Variants in NCL observed in about 807,000 individuals in gnomAD.
The protein encoded by NCL is nucleolin multifunctional protein.
A neutral mutation model predicts 77.7 loss-of-function variants in NCL; 4 were observed. The observed-to-expected ratio is 0.05, with a 90% confidence interval of 0.03 to 0.12. The LOEUF (loss-of-function observed/expected upper bound fraction) is 0.12, where lower values mean the gene tolerates loss of function less well. Among genes scored for constraint, NCL ranks in the 10% least tolerant of loss-of-function variants. The probability of loss-of-function intolerance (pLI) is 1.00; values close to 1 mark genes in which losing one functional copy is unlikely to be tolerated. For missense variants in NCL, 763 were observed against 860.9 expected (o/e 0.89, Z 1.42); for synonymous variants, 344 against 297.8 (o/e 1.16, Z -1.60).
intron 9 of NCL, 191 bp from the exon 10 acceptor site, chr2:231,457,315 G>T: frequency 3.5e-6 from 3 of 851,354 alleles, no homozygotes; most frequent in South Asian, 1.4e-5. Context: ...CCTGCTGGTT[G>T]TTCTTACATA....
intron 7 of NCL, 177 bp downstream of exon 7, chr2:231,458,824 C>G (rs1399365391): frequency 1.6e-6 from 1 of 631,272 alleles, no homozygotes; most frequent in Non-Finnish European, 2.4e-6. Context: ...CACTGACAAG[C>G]AGTGCCAAGT....
rs1276800630 is a variant in NCL, at chr2:231,460,132, A to G, written c.1040+20T>C. ...GCATTAACAGACCCACGTGTATGTA[A>G]CGTGCAGTGAAGCACTTACCTAGTC... is the stretch of plus-strand genomic sequence containing the variant. On this transcript the variant is annotated intron_variant, in intron 6 of 13. Transcript: ENST00000322723. 8.7e-6 allele frequency: 14 copies of G among 1,604,378 alleles called. No individual in the cohort carries two copies. Among genetic ancestry groups the G allele is most frequent in the Non-Finnish European group, 1.2e-5 (14 of 1,176,508 alleles).
Position 231,463,251 on chromosome 2 carries a change from A to T in NCL, c.84T>A (p.Ser28Arg). 1 of 1,612,260 alleles carries T rather than the reference A, an allele frequency of 6.2e-7. No homozygotes were observed. The highest frequency in any genetic ancestry group is 8.5e-7 in the Non-Finnish European group (1 of 1,179,692). The change falls in exon 2 of 14, where the codon AGT (serine) becomes AGA (arginine). Residue 28 changes from serine to arginine, a missense_variant. Around this residue, in one of 2 missense-constraint regions of NCL, gnomAD observed 590 missense variants for 570.5 expected, o/e 1.03. Coordinates refer to ENST00000322723, the MANE Select transcript of NCL (RefSeq NM_005381.3). The part of the protein sequence containing the change: ...APPPKEVEED[S>R]EDEEMSEDEE... ...CATCTTCTGACATTTCCTCATCTTCACTATCTTCTTCTACCTCCTTTGGAG... is the reference window on the plus strand; with the variant it reads ...CATCTTCTGACATTTCCTCATCTTCTCTATCTTCTTCTACCTCCTTTGGAG...
At chr2:231,458,143 A>C in intron 8 of NCL, 123 bp downstream of exon 8, 6 of 1,341,394 alleles carry the variant, frequency 4.5e-6, no homozygotes, top group Non-Finnish European at 6.1e-6. Flanking sequence ...ACTGAGGCAC[A>C]AACTTACAGG....
At chr2:231,457,536 A>G in intron 9 of NCL, 107 bp downstream of exon 9, 2 of 1,178,742 alleles carry the variant, frequency 1.7e-6, no homozygotes, top group Non-Finnish European at 2.4e-6. Context: ...CTTCACCTAC[A>G]TTTGAGTAAC....
At chr2:231,455,869 TTC>T in intron 12 of NCL, 139 bp downstream of exon 12, 6 of 1,364,462 alleles carry the variant, frequency 4.4e-6, no homozygotes, top group Non-Finnish European at 6.3e-6. Flanking sequence ...GTTCTGTGAA[TTC>T]TCTCTTCTTC....
At chr2:231,461,328 A>G (rs1159975966) in intron 3 of NCL, among the ~76,000 whole-genome samples, 1 of 152,142 alleles carries the variant, frequency 6.6e-6, no homozygotes, top group Non-Finnish European at 1.5e-5. Flanking sequence ...CCTACATTAT[A>G]AAAAACACTA....
chr2:231,456,725 T>G lies in NCL; in HGVS notation c.1611A>C (p.Lys537Asn). 6.2e-7 allele frequency: 1 copy of G among 1,614,190 alleles called. No homozygotes were observed. The highest frequency in any genetic ancestry group is 8.5e-7 in the Non-Finnish European group (1 of 1,180,026). ...TTTTATTACAGGAATTTAAAGCTTC[T>G]TTAGCGTCTTCGAATGAAGCAAACT... ...FIEFASFEDA[K>N]EALNSCNKRE... is the part of the protein sequence containing the mutation. Residue 537 changes from lysine to asparagine, a missense_variant, in exon 11 of 14, where the codon AAA becomes AAC. By Grantham distance (94) the Lys-to-Asn change is moderately conservative. Around this residue, in one of 2 missense-constraint regions of NCL, gnomAD observed 173 missense variants for 290.4 expected, o/e 0.60. Transcript: ENST00000322723.
At position 231,463,281 on chromosome 2, in the gene NCL, A is replaced by G; in HGVS notation, c.54T>C (p.Ala18=). The part of the protein sequence containing the change: ...GKNQGDPKKM[A]PPPKEVEEDS... Reference sequence around the variant, plus strand: ...CTTCTTCTACCTCCTTTGGAGGAGGAGCCATTTTCTTGGGGTCACCTTGAT... The same window carrying G: ...CTTCTTCTACCTCCTTTGGAGGAGGGGCCATTTTCTTGGGGTCACCTTGAT... The change falls in exon 2 of 14, where the codon GCT becomes GCC. Residue 18 remains alanine, a synonymous_variant. Coordinates refer to ENST00000322723, the MANE Select transcript of NCL (RefSeq NM_005381.3). 6.2e-7 allele frequency: 1 copy of G among 1,612,140 alleles called. No individual in the cohort carries two copies.
At chr2:231,460,586 G>T (rs531202908) in intron 4 of NCL, 22 bp from the exon 5 acceptor site, 3 of 1,614,038 alleles carry the variant, frequency 1.9e-6, no homozygotes, top group African/African-American at 2.7e-5. Context: ...GTCAAACAAT[G>T]TATCACACAT....
rs143373321 is a variant in NCL at position 231,454,007 on chromosome 2, G to C, written c.*1184C>G. 6.6e-6 allele frequency: 1 copy of C among 152,196 alleles called. No homozygotes were observed. Among genetic ancestry groups the C allele is most frequent in the Non-Finnish European group, 1.5e-5 (1 of 68,052 alleles). The allele number at this position is 152,196 out of a possible 1,614,324, so 9.4% of individuals were successfully genotyped here. On this transcript the variant is annotated 3_prime_UTR_variant, in exon 14 of 14. Coordinates refer to ENST00000322723, the MANE Select transcript of NCL (RefSeq NM_005381.3). ...CTTTTACTAAAAAGGGAGGTTGAGA[G>C]GCAAGTACTTAAGACCAGAAAGAAT... is the stretch of plus-strand genomic sequence containing the variant.
intron 7 of NCL, 177 bp downstream of exon 7, chr2:231,458,824 C>T: frequency 1.6e-6 from 1 of 631,390 alleles, no homozygotes; most frequent in East Asian, 3.4e-5. Context: ...CACTGACAAG[C>T]AGTGCCAAGT....
At chr2:231,462,507 A>C (rs779128978) in intron 2 of NCL, 1 of 502,214 alleles carries the variant, frequency 2.0e-6, no homozygotes, top group Admixed American at 2.0e-5. Context: ...CTAAATATAA[A>C]TATTCCTTAC....
intron 7 of NCL, chr2:231,458,597 C>A: frequency 1.6e-6 from 1 of 633,686 alleles, no homozygotes; most frequent in Non-Finnish European, 2.6e-6. Flanking sequence ...GTCAAACTCT[C>A]TGTTAGGTAC....
At position 231,457,731 on chromosome 2, in the gene NCL, C is replaced by T. The variant is rs1575259659; in HGVS notation, c.1359G>A (p.Glu453=). 6.2e-7 allele frequency: 1 copy of T among 1,613,054 alleles called. No individual in the cohort carries two copies. The highest frequency in any genetic ancestry group is 8.5e-7 in the Non-Finnish European group (1 of 1,179,328). Residue 453 remains glutamate, a synonymous_variant, in exon 9 of 14, where the codon GAG becomes GAA. Coordinates refer to ENST00000322723, the MANE Select transcript of NCL (RefSeq NM_005381.3). The part of the protein sequence containing the change: ...EKTFEEKQGT[E]IDGRSISLYY... ...ACAGGGAAATAGATCGCCCATCGAT[C>T]TCTGTTCCCTGCTTTTCTTCAAAGG...
intron 6 of NCL, among the ~76,000 whole-genome samples, 191 bp downstream of exon 6, chr2:231,459,961 G>A (rs887341601): frequency 6.6e-6 from 1 of 152,138 alleles, no homozygotes; most frequent in Non-Finnish European, 1.5e-5. Context: ...GCTATACCAA[G>A]TTACGACTGA....
In NCL at chr2:231,464,356, T is replaced by C. The variant is rs1413383690; in HGVS notation, c.-3A>G. On this transcript the variant is annotated 5_prime_UTR_variant, in exon 1 of 14. Transcript: ENST00000322723. ...TTTACCTTCGCGAGCTTCACCATGA[T>C]GGCGGCGGAGTGTGAAGCGGACAAG... 3 of 1,600,030 alleles carry C rather than the reference T, an allele frequency of 1.9e-6. No individual in the cohort carries two copies. The highest frequency in any genetic ancestry group is 2.6e-6 in the Non-Finnish European group (3 of 1,173,362).
Position 231,460,760 on chromosome 2 carries a change from CTCT to C in NCL, c.717_719del (p.Glu240del), listed in dbSNP as rs748600031. The stretch of plus-strand genomic sequence containing the variant: ...CGTCGTCATCCTCGTCCTCATCATC[CTCT>C]TCTTCATCTTCATCCTCAGCCACGT... On this transcript the variant is annotated inframe_deletion, in exon 4 of 14. Transcript: ENST00000322723. 176 of 1,613,772 alleles carry C rather than the reference CTCT, an allele frequency of 1.1e-4. No homozygotes were observed. The highest frequency in any genetic ancestry group is 6.6e-4 in the Middle Eastern group (4 of 6,062).
intron 11 of NCL, 90 bp from the exon 12 acceptor site, chr2:231,456,226 A>G (rs2046886533): frequency 6.6e-7 from 1 of 1,507,156 alleles, no homozygotes; most frequent in Non-Finnish European, 9.0e-7. Flanking sequence ...CTAGCCAAGA[A>G]TACTTGTTAT....
Sources: allele counts gnomAD v4.1 joint callset (sites outside exome capture counted in the v4.1 genomes callset), GRCh38; gene constraint gnomAD v4.1.1; regional missense constraint gnomAD v4.1.1; transcripts MANE v1.5; gene names NCBI Gene and HGNC (gene_info 2026-07-23, HGNC 2026-07-21).